The following ADGRB2 variants were observed in gnomAD, a reference collection of about 807,000 sequenced individuals.
The protein encoded by ADGRB2 is brain-specific angiogenesis inhibitor 2.
ADGRB2 carries 47 observed loss-of-function variants against 178.7 expected under a neutral mutation model. The ratio of observed to expected loss-of-function variants is 0.26; its 90% CI spans 0.21 to 0.34. The LOEUF (loss-of-function observed/expected upper bound fraction) is 0.34. Among genes scored for constraint, ADGRB2 ranks in the 10% least tolerant of loss-of-function variants. ADGRB2 has a pLI of 1.00. For synonymous variants in ADGRB2, 870 were observed against 912.4 expected (o/e 0.95, Z 0.84); for missense variants, 1,584 against 2,180.8 (o/e 0.73, Z 5.45).
In ADGRB2 at chr1:31,758,785, C is replaced by T. The variant is rs568304644; in HGVS notation, c.-190-1274G>A. ...AGCCAGACAGGCTGTGCCTCTCCCCCCAACCACCCACCCTCCTCCTCAGAG... is the reference window on the plus strand; with the variant it reads ...AGCCAGACAGGCTGTGCCTCTCCCCTCAACCACCCACCCTCCTCCTCAGAG... On this transcript the variant is annotated intron_variant, in intron 1 of 32. Coordinates refer to ENST00000373658, the MANE Select transcript of ADGRB2 (RefSeq NM_001364857.2). The surrounding 1 kb of genome is among the most constrained non-coding windows in gnomAD (Gnocchi z 4.2). The T allele has an allele frequency of 1.9e-5, 3 of 161,400 alleles. No individual in the cohort carries two copies. Among genetic ancestry groups the T allele is most frequent in the Non-Finnish European group, 2.8e-5 (2 of 71,892 alleles). The allele number at this position is 161,400 out of a possible 1,614,324, so 10.0% of individuals were successfully genotyped here. A position where few individuals can be genotyped will look rare whatever the true frequency, so the allele number is the denominator to read the frequency against.
chr1:31,739,674 G>A, intron 14 of ADGRB2, 39 bp from the exon 15 acceptor site: 1 of 1,540,868 alleles, frequency 6.5e-7, no homozygotes, highest in Non-Finnish European at 8.8e-7. Context: ...AGACAGAGGG[G>A]CAGAAACAAA....
chr1:31,742,745 G>A (rs1389042184), intron 7 of ADGRB2, 93 bp downstream of exon 7: 7 of 1,340,396 alleles, frequency 5.2e-6, no homozygotes, highest in South Asian at 3.8e-5. Flanking sequence ...GGGCCCCCAG[G>A]GGCAGGTCAC....
chr1:31,755,616 C>T lies in ADGRB2; in HGVS notation c.838+383G>A, dbSNP rs887700513. Among the ~76,000 whole-genome samples, 1 of 152,040 alleles carries T rather than the reference C, an allele frequency of 6.6e-6. No homozygotes were observed. The highest frequency in any genetic ancestry group is 1.5e-5 in the Non-Finnish European group (1 of 68,012). On this transcript the variant is annotated intron_variant, in intron 4 of 32. Transcript: ENST00000373658. This position sits in a 1 kb window ranked among gnomAD's most constrained non-coding sequence, Gnocchi z 5.1. ...GCGCCAGGGCCTGCCACGATCATTC[C>T]CAGCCTTGGGCCTTTGTGCACCCTT...
Position 31,730,899 on chromosome 1 carries a change from C to T in ADGRB2, c.4281G>A (p.Pro1427=), listed in dbSNP as rs779585459. The T allele has an allele frequency of 1.6e-5, 26 of 1,579,326 alleles. No homozygotes were observed. The highest frequency in any genetic ancestry group is 4.1e-5 in the African/African-American group (3 of 73,858). Residue 1427 remains proline, a synonymous_variant, in exon 29 of 33, where the codon CCG becomes CCA. Coordinates refer to ENST00000373658, the MANE Select transcript of ADGRB2 (RefSeq NM_001364857.2). ...NPYGMTFQPP[P]PTPSARQVPE... ...GCACTTGGCGGGCGCTGGGTGTCGG[C>T]GGTGGCGGTTGGAAGGTCATTCCAT...
Position 31,742,010 on chromosome 1 carries a change from A to G in ADGRB2, c.1417+43T>C, listed in dbSNP as rs1646000145. ...CATATGAGTGGGCCCAGGTACCCCC[A>G]TGGTCAGAGCTGCAACTTGCCACCA... On this transcript the variant is annotated intron_variant, in intron 8 of 32. Transcript: ENST00000373658. The G allele has an allele frequency of 1.9e-6, 3 of 1,586,492 alleles. No individual in the cohort carries two copies. The East Asian group carries it at 6.8e-5, about 36-fold the overall frequency.
Position 31,735,465 on chromosome 1 carries a change from C to T in ADGRB2, c.3353+115G>A, listed in dbSNP as rs1055539878. On this transcript the variant is annotated intron_variant, in intron 24 of 32. Transcript: ENST00000373658. This position sits in a 1 kb window ranked among gnomAD's most constrained non-coding sequence, Gnocchi z 6.0. ...CCACCTTGCCTGCAACCTTGATGCA[C>T]CAAGGTTGGGGAGCCCCGGTCGCAT... 2 of 1,382,574 alleles carry T rather than the reference C, an allele frequency of 1.4e-6. No individual in the cohort carries two copies. The highest frequency in any genetic ancestry group is 2.9e-5 in the African/African-American group (2 of 69,536). The allele number at this position is 1,382,574 out of a possible 1,614,324, so 85.6% of individuals were successfully genotyped here. A position where few individuals can be genotyped will look rare whatever the true frequency, so the allele number is the denominator to read the frequency against.
chr1:31,749,547 A>G (rs1417537375), intron 4 of ADGRB2, among the ~76,000 whole-genome samples: 3 of 152,224 alleles, frequency 2.0e-5, no homozygotes, highest in African/African-American at 7.2e-5. Flanking sequence ...ACTTTCTACC[A>G]TATAGGTTCA....
chr1:31,739,862 G>T, intron 14 of ADGRB2, 64 bp downstream of exon 14: 1 of 1,466,480 alleles, frequency 6.8e-7, no homozygotes, highest in Middle Eastern at 1.7e-4. Flanking sequence ...TTAGGTAGAG[G>T]AAAGACAGAA....
At chr1:31,736,923 G>A (rs1395129610) in intron 20 of ADGRB2, among the ~76,000 whole-genome samples, 200 bp from the exon 21 acceptor site, 1 of 152,150 alleles carries the variant, frequency 6.6e-6, no homozygotes, top group Non-Finnish European at 1.5e-5. Context: ...ACAGCACTCG[G>A]CATCCAGGGA....
intron 18 of ADGRB2, 148 bp downstream of exon 18, chr1:31,738,052 G>A (rs972199658): frequency 1.1e-5 from 14 of 1,255,608 alleles, no homozygotes; most frequent in South Asian, 7.6e-5. Flanking sequence ...ACAATCCCAG[G>A]GGCACAGACA....
chr1:31,758,175 C>G lies in ADGRB2; in HGVS notation c.-190-664G>C, dbSNP rs1646928237. ...CTCCTGCATGCCACAGGATAGCTCA[C>G]AGCACTGCATGGGCCCCCTAGAGCC... On this transcript the variant is annotated intron_variant, in intron 1 of 32. Transcript: ENST00000373658. This position sits in a 1 kb window ranked among gnomAD's most constrained non-coding sequence, Gnocchi z 4.2. 1.3e-5 allele frequency among the ~76,000 whole-genome samples: 2 copies of G among 152,220 alleles called. No homozygotes were observed. The highest frequency in any genetic ancestry group is 1.3e-4 in the Admixed American group (2 of 15,290).
In ADGRB2 at chr1:31,756,349, G is replaced by A. The variant is rs766689237; in HGVS notation, c.488C>T (p.Ser163Leu). 3.7e-6 allele frequency: 6 copies of A among 1,612,966 alleles called. No homozygotes were observed. The highest frequency in any genetic ancestry group is 5.1e-6 in the Non-Finnish European group (6 of 1,179,964). The change falls in exon 4 of 33, where the codon TCG becomes TTG. Residue 163 changes from serine to leucine, a missense_variant. Physicochemically the swap from Ser to Leu is moderately radical, Grantham distance 145. Around this residue, in one of 3 missense-constraint regions of ADGRB2, gnomAD observed 657 missense variants for 847.6 expected, o/e 0.78. Coordinates refer to ENST00000373658, the MANE Select transcript of ADGRB2 (RefSeq NM_001364857.2). The surrounding 1 kb of genome is among the most constrained non-coding windows in gnomAD (Gnocchi z 8.5). Reference protein sequence around the residue: ...FDKNFVQLCLSAEPSEAPRLL... With the variant: ...FDKNFVQLCLLAEPSEAPRLL... ...GCGCGGGGCCTCGGAGGGCTCAGCC[G>A]ACAGGCACAGCTGCACGAAGTTCTT... is the stretch of plus-strand genomic sequence containing the variant.
At chr1:31,745,771 T>C (rs1646240665) in intron 4 of ADGRB2, among the ~76,000 whole-genome samples, 1 of 152,142 alleles carries the variant, frequency 6.6e-6, no homozygotes, top group South Asian at 2.1e-4. Flanking sequence ...GCACGCTGAG[T>C]GTGAAGGGAC....
rs897087095 is a variant in ADGRB2 at position 31,733,872 on chromosome 1, C to T, written c.3453-729G>A. On this transcript the variant is annotated intron_variant, in intron 25 of 32. Transcript: ENST00000373658. This position sits in a 1 kb window ranked among gnomAD's most constrained non-coding sequence, Gnocchi z 4.3. Reference sequence around the variant, plus strand: ...GGCCTGGCATCCAAGCCATTCCCACCCCTCCCTAACCTGCTATAGCACATG... The same window carrying T: ...GGCCTGGCATCCAAGCCATTCCCACTCCTCCCTAACCTGCTATAGCACATG... Among the ~76,000 whole-genome samples, 1 of 152,206 alleles carries T rather than the reference C, an allele frequency of 6.6e-6. No individual in the cohort carries two copies. Among genetic ancestry groups the T allele is most frequent in the South Asian group, 2.1e-4 (1 of 4,826 alleles).
intron 1 of ADGRB2, among the ~76,000 whole-genome samples, chr1:31,760,408 C>T (rs182362242): frequency 2.0e-5 from 3 of 152,302 alleles, no homozygotes; most frequent in Admixed American, 2.0e-4. Context: ...AGTCCCCTTT[C>T]TTTCCACCCC....
intron 29 of ADGRB2, among the ~76,000 whole-genome samples, chr1:31,730,233 A>G (rs1234713045): frequency 6.6e-6 from 1 of 152,224 alleles, no homozygotes; most frequent in Non-Finnish European, 1.5e-5. Flanking sequence ...TTTCTCCGGA[A>G]GAGAGGGTCA....
chr1:31,728,468 C>G lies in ADGRB2; in HGVS notation c.4416+130G>C, dbSNP rs541714265. The G allele has an allele frequency of 2.5e-3, 3,677 of 1,449,020 alleles. 10 individuals carry two copies. Among genetic ancestry groups the G allele is most frequent in the Middle Eastern group, 4.3e-3 (24 of 5,610 alleles). The allele number at this position is 1,449,020 out of a possible 1,614,324, so 89.8% of individuals were successfully genotyped here. On this transcript the variant is annotated intron_variant, in intron 30 of 32. Coordinates refer to ENST00000373658, the MANE Select transcript of ADGRB2 (RefSeq NM_001364857.2). The surrounding 1 kb of genome is among the most constrained non-coding windows in gnomAD (Gnocchi z 6.7). ...GGGAGGGAATCATGGGAAGATCCCA[C>G]GGAACCCCCGGGCTTGGGCTCCTGG...
Position 31,758,402 on chromosome 1 carries a change from G to C in ADGRB2, c.-190-891C>G, listed in dbSNP as rs1646936710. Among the ~76,000 whole-genome samples the C allele has an allele frequency of 6.6e-6, 1 of 152,208 alleles. No homozygotes were observed. ...GCCAGATGGACCAGCTATTAGCTCT[G>C]GGGACTGAATCAGAAACACAGGACA... On this transcript the variant is annotated intron_variant, in intron 1 of 32. Transcript: ENST00000373658. The surrounding 1 kb of genome is among the most constrained non-coding windows in gnomAD (Gnocchi z 4.2).
Position 31,742,851 on chromosome 1 carries a change from C to T in ADGRB2, c.1239G>A (p.Met413Ile). 6.7e-7 allele frequency: 1 copy of T among 1,489,564 alleles called. No individual in the cohort carries two copies. 92.3% of individuals were successfully genotyped at this position (1,489,564 alleles called of 1,614,324 possible). Residue 413 changes from methionine (M) to isoleucine (I), a missense_variant, in exon 7 of 33, where the codon ATG (methionine) becomes ATA (isoleucine). This residue lies in a region of ADGRB2 where 657 missense variants were observed against 847.6 expected (regional missense o/e 0.78). Transcript: ENST00000373658. ...GGTGCTACTGACCCGGGCAGGCAGC[C>T]ATACTGCAGAGCTTAGTCTGCAGCT... ...GPELQTKLCSMAACPVEGQWL... is the reference protein window; with the variant it reads ...GPELQTKLCSIAACPVEGQWL...
Sources: allele counts gnomAD v4.1 joint callset (sites outside exome capture counted in the v4.1 genomes callset), GRCh38; gene constraint gnomAD v4.1.1; regional missense constraint gnomAD v4.1.1; non-coding constraint Gnocchi (gnomAD v3.1); transcripts MANE v1.5; gene names NCBI Gene and HGNC (gene_info 2026-07-23, HGNC 2026-07-21).